KLK6: variants seen among roughly 807,000 people sequenced by gnomAD.
KLK6 encodes the protein kallikrein-6.
Under a neutral mutation model 21.7 loss-of-function variants are expected in KLK6, and 16 were observed. The ratio of observed to expected loss-of-function variants is 0.74; its 90% CI spans 0.50 to 1.12. The LOEUF (loss-of-function observed/expected upper bound fraction) is 1.12. KLK6 is among the 50% of genes most tolerant of loss of function. The pLI, the probability that KLK6 is intolerant of heterozygous loss-of-function variation, is 0.00. For missense variants in KLK6, 276 were observed against 304.6 expected, an observed-to-expected ratio of 0.91 and a Z score of 0.70; for synonymous variants, 116 against 120.1, an observed-to-expected ratio of 0.97 and a Z score of 0.22.
intron 6 of KLK6, 138 bp from the exon 7 acceptor site, chr19:50,959,454 GGAGA>G: frequency 1.4e-6 from 1 of 731,746 alleles, no homozygotes; most frequent in East Asian, 2.7e-5. Context: ...ACTGAAAGAT[GGAGA>G]GAAAGACTCA....
At chr19:50,968,190 C>A in intron 2 of KLK6, 78 bp from the exon 3 acceptor site, 1 of 1,295,842 alleles carries the variant, frequency 7.7e-7, no homozygotes, top group Admixed American at 1.7e-5. Context: ...CCTCTGCATC[C>A]TCTCCTTCCT....
chr19:50,959,097 A>T lies in KLK6; in HGVS notation c.*67T>A. The T allele has an allele frequency of 1.9e-6, 3 of 1,570,202 alleles. No homozygotes were observed. ...CAGGAGAGGAGGGGAGGCAAGGTCT[A>T]GGTGAGAGACGTTCTGGAACCAGCC... On this transcript the variant is annotated 3_prime_UTR_variant, in exon 7 of 7. Transcript: ENST00000310157.
rs1271246644 is a variant in KLK6 at position 50,959,224 on chromosome 19, T to C, written c.675A>G (p.Gly225=). The change falls in exon 7 of 7, where the codon GGA becomes GGG. Residue 225 remains glycine, a synonymous_variant. Coordinates refer to ENST00000310157, the MANE Select transcript of KLK6 (RefSeq NM_002774.4). ...TGTATCTGCAGACGTTGGTGTAGAC[T>C]CCTGGCTTCTCCTTTGATCCACAGG... ...NIPCGSKEKP[G]VYTNVCRYTN... is the part of the protein sequence containing the mutation. 6.2e-6 allele frequency: 10 copies of C among 1,613,854 alleles called. No individual in the cohort carries two copies. The highest frequency in any genetic ancestry group is 1.6e-4 in the Middle Eastern group (1 of 6,062).
intron 4 of KLK6, among the ~76,000 whole-genome samples, chr19:50,965,207 A>T (rs1218144108): frequency 6.6e-6 from 1 of 151,456 alleles, no homozygotes; most frequent in Non-Finnish European, 1.5e-5. Context: ...GGCTCGAGTG[A>T]TCCACCCGCC....
chr19:50,961,966 T>C lies in KLK6; in HGVS notation c.446-86A>G. ...GTCACCCCCCAACCCCTATAAGTCC[T>C]CCATCCTCTATTGGTCCCTCTTTTC... On this transcript the variant is annotated intron_variant, in intron 5 of 6. Coordinates refer to ENST00000310157, the MANE Select transcript of KLK6 (RefSeq NM_002774.4). 3.5e-6 allele frequency: 5 copies of C among 1,430,424 alleles called. No individual in the cohort carries two copies. The South Asian group carries it at 5.5e-5, about 16-fold the overall frequency. The allele number at this position is 1,430,424 out of a possible 1,614,324, so 88.6% of individuals were successfully genotyped here.
At chr19:50,965,842 C>T (rs1352624549) in intron 4 of KLK6, among the ~76,000 whole-genome samples, 1 of 152,110 alleles carries the variant, frequency 6.6e-6, no homozygotes, top group Non-Finnish European at 1.5e-5. Context: ...GCCAAGAGTC[C>T]CTTGTGGTGG....
intron 6 of KLK6, 44 bp from the exon 7 acceptor site, chr19:50,959,360 AGACT>A: frequency 6.7e-7 from 1 of 1,499,200 alleles, no homozygotes. Flanking sequence ...AGAAACCCAG[AGACT>A]GTGTGTGTGT....
chr19:50,959,299 C>T lies in KLK6; in HGVS notation c.600G>A (p.Pro200=), dbSNP rs555902497. The T allele has an allele frequency of 1.2e-5, 19 of 1,613,188 alleles. No individual in the cohort carries two copies. The highest frequency in any genetic ancestry group is 6.7e-5 in the East Asian group (3 of 44,822). Reference sequence around the variant, plus strand: ...CTCGGAGGTGGTCTCCACATACCAGCGGACCCCCAGAATCACCCTGCAGGA... The same window carrying T: ...CTCGGAGGTGGTCTCCACATACCAGTGGACCCCCAGAATCACCCTGCAGGA... ...KDSCQGDSGG[P]LVCGDHLRGL... Residue 200 remains proline (P), a synonymous_variant, in exon 7 of 7, where the codon CCG becomes CCA. Transcript: ENST00000310157.
chr19:50,963,431 C>G lies in KLK6; in HGVS notation c.316G>C (p.Asp106His). The G allele has an allele frequency of 6.2e-7, 1 of 1,614,234 alleles. No individual in the cohort carries two copies. Residue 106 changes from aspartate to histidine, a missense_variant, in exon 5 of 7, where the codon GAC becomes CAC. By Grantham distance (81) the Asp-to-His change is moderately conservative. Transcript: ENST00000310157. ...PDYDAASHDQ[D>H]IMLLRLARPA... ...CGTGCCAGGCGCAACAGCATGATGT[C>G]CTGGTCATGGCTGGCGGCATCATAG...
At chr19:50,961,024 A>G (rs2090833555) in intron 6 of KLK6, among the ~76,000 whole-genome samples, 1 of 152,132 alleles carries the variant, frequency 6.6e-6, no homozygotes, top group South Asian at 2.1e-4. Flanking sequence ...TCGGCCTCCC[A>G]AGGTGCTGGG....
At chr19:50,963,035 CT>C (rs2090867171) in intron 5 of KLK6, among the ~76,000 whole-genome samples, 3 of 152,302 alleles carry the variant, frequency 2.0e-5, no homozygotes, top group Admixed American at 6.5e-5. Flanking sequence ...GACCTTCCCT[CT>C]TTATTGAACC....
intron 4 of KLK6, among the ~76,000 whole-genome samples, chr19:50,966,017 A>G (rs114329446): frequency 1.9e-3 from 287 of 152,176 alleles, no homozygotes; most frequent in African/African-American, 6.8e-3. Flanking sequence ...GGATGATCTC[A>G]TCTAGTCCCA....
chr19:50,960,119 A>G (rs1384631073), intron 6 of KLK6, among the ~76,000 whole-genome samples: 1 of 23,908 alleles, frequency 4.2e-5, no homozygotes, highest in Non-Finnish European at 7.8e-5. Context: ...GAGGATGGAG[A>G]GGGGGAGGAG....
Position 50,959,166 on chromosome 19 carries a change from A to G in KLK6, c.733T>C (p.Ter245ArgextTer2), listed in dbSNP as rs1391740565. 1 of 1,614,006 alleles carries G rather than the reference A, an allele frequency of 6.2e-7. No homozygotes were observed. The highest frequency in any genetic ancestry group is 8.5e-7 in the Non-Finnish European group (1 of 1,180,016). The change falls in exon 7 of 7, where the codon TGA becomes CGA. Residue 245 changes from the stop codon to arginine (R), a stop_lost. Transcript: ENST00000310157. ...NWIQKTIQAK[*>R] ...GAGGTAGATGTCACATGTCAGGGTC[A>G]CTTGGCCTGAATGGTTTTTTGGATC...
chr19:50,959,034 C>A lies in KLK6; in HGVS notation c.*130G>T. 1 of 957,752 alleles carries A rather than the reference C, an allele frequency of 1.0e-6. No homozygotes were observed. The highest frequency in any genetic ancestry group is 1.6e-6 in the Non-Finnish European group (1 of 613,822). The allele number at this position is 957,752 out of a possible 1,614,324, so 59.3% of individuals were successfully genotyped here. On this transcript the variant is annotated 3_prime_UTR_variant, in exon 7 of 7. Transcript: ENST00000310157. ...AAACCAGGGAGAATCAGGACCCTCA[C>A]GTCGCTGCGTTTATTAAGCATCAGG... is the stretch of plus-strand genomic sequence containing the variant.
At chr19:50,967,551 A>ACACAC (rs1555781646) in intron 3 of KLK6, among the ~76,000 whole-genome samples, 5 of 143,348 alleles carry the variant, frequency 3.5e-5, no homozygotes, top group East Asian at 2.1e-4. Flanking sequence ...ACACACACAC[A>ACACAC]AATTAGCAGG....
intron 4 of KLK6, among the ~76,000 whole-genome samples, chr19:50,966,820 A>G (rs1180832483): frequency 6.6e-6 from 1 of 152,096 alleles, no homozygotes; most frequent in Non-Finnish European, 1.5e-5. Flanking sequence ...ACAAACAACA[A>G]AAACAAAACT....
Position 50,963,371 on chromosome 19 carries a change from G to A in KLK6, c.376C>T (p.Pro126Ser), listed in dbSNP as rs867955682. 3.1e-6 allele frequency: 5 copies of A among 1,614,206 alleles called. No homozygotes were observed. Among genetic ancestry groups the A allele is most frequent in the Non-Finnish European group, 2.5e-6 (3 of 1,180,020 alleles). The stretch of plus-strand genomic sequence containing the variant: ...TTGGCTGAGCAGTCCCTCTCCAGGG[G>A]AAGGGGCTGGATGAGTTCAGAGAGT... Reference protein sequence around the residue: ...AKLSELIQPLPLERDCSANTT... With the variant: ...AKLSELIQPLSLERDCSANTT... Residue 126 changes from proline (P) to serine (S), a missense_variant, in exon 5 of 7, where the codon CCC becomes TCC. Physicochemically the swap from Pro to Ser is moderately conservative, Grantham distance 74. Coordinates refer to ENST00000310157, the MANE Select transcript of KLK6 (RefSeq NM_002774.4).
At position 50,961,782 on chromosome 19, in the gene KLK6, A is replaced by G; in HGVS notation, c.544T>C (p.Cys182Arg). The stretch of plus-strand genomic sequence containing the variant: ...TTCCCGTACTTCTCATCCCCAGCAC[A>G]CAACATGTTCTGGGTGATCTGGCCA... The part of the protein sequence containing the change: ...YPGQITQNML[C>R]AGDEKYGKDS... The change falls in exon 6 of 7, where the codon TGT (cysteine) becomes CGT (arginine). Residue 182 changes from cysteine to arginine, a missense_variant. By Grantham distance (180) the Cys-to-Arg change is radical. Transcript: ENST00000310157. The G allele has an allele frequency of 6.2e-7, 1 of 1,613,942 alleles. No individual in the cohort carries two copies. The highest frequency in any genetic ancestry group is 1.7e-4 in the Middle Eastern group (1 of 6,058).
Sources: allele counts gnomAD v4.1 joint callset (sites outside exome capture counted in the v4.1 genomes callset), GRCh38; gene constraint gnomAD v4.1.1; transcripts MANE v1.5; gene names NCBI Gene and HGNC (gene_info 2026-07-23, HGNC 2026-07-21).